Variants in DMD observed in about 807,000 individuals in gnomAD.
DMD encodes the protein dystrophin, also known as mutant dystrophin.
DMD carries 63 observed loss-of-function variants against 330.1 expected under a neutral mutation model. The observed-to-expected ratio is 0.19, with a 90% CI of 0.16 to 0.24. The LOEUF is 0.24. DMD is among the 10% of genes least tolerant of loss of function. The pLI, the probability that DMD is intolerant of heterozygous loss-of-function variation, is 1.00. For missense variants in DMD, 3,344 were observed against 2,684.1 expected (o/e 1.25, Z -5.43); for synonymous variants, 1,223 against 959.8 (o/e 1.27, Z -5.07).
At chrX:32,336,031 TTATATATAACGTGTATATATAAC>T (rs2097712252) in intron 41 of DMD, among the ~76,000 whole-genome samples, 2 of 103,367 alleles carry the variant, frequency 1.9e-5, no homozygotes, top group South Asian at 8.6e-4. Flanking sequence ...ATATATAACG[TTATATATAACGTGTATATATAAC>T]GTTATATATA....
chrX:33,083,172 T>C (rs1044755995), intron 1 of DMD, among the ~76,000 whole-genome samples: 1 of 111,918 alleles, frequency 8.9e-6, no homozygotes, highest in Middle Eastern at 4.2e-3. Context: ...CTTACGACCC[T>C]GCTTGCTTGT....
chrX:31,884,331 C>T (rs2094121100), intron 47 of DMD, among the ~76,000 whole-genome samples: 1 of 111,534 alleles, frequency 9.0e-6, no homozygotes, highest in Non-Finnish European at 1.9e-5. Context: ...AGAAAGAAAT[C>T]CTGTCATTTG....
chrX:31,901,340 TTTACA>T (rs2094419438), intron 47 of DMD, among the ~76,000 whole-genome samples: 1 of 111,947 alleles, frequency 8.9e-6, no homozygotes, highest in African/African-American at 3.2e-5. Context: ...TAATATTTTG[TTTACA>T]GTCTCTCCAC....
At chrX:31,640,284 T>A (rs928143432) in intron 54 of DMD, among the ~76,000 whole-genome samples, 1 of 112,317 alleles carries the variant, frequency 8.9e-6, no homozygotes, top group African/African-American at 3.2e-5. Flanking sequence ...TCCTAGGGAA[T>A]ACGTTTACAT....
intron 71 of DMD, among the ~76,000 whole-genome samples, chrX:31,176,628 C>T (rs2040532366): frequency 1.8e-5 from 2 of 111,468 alleles, no homozygotes; most frequent in Non-Finnish European, 3.8e-5. Flanking sequence ...TGTATCAACT[C>T]TTTAAAAGTT....
chrX:32,101,480 G>T (rs908367089), intron 44 of DMD, among the ~76,000 whole-genome samples: 30 of 111,620 alleles, frequency 2.7e-4, no homozygotes, highest in Admixed American at 4.8e-4. Flanking sequence ...CCTCACCATT[G>T]CTATTGTAAC....
intron 21 of DMD, among the ~76,000 whole-genome samples, chrX:32,475,332 G>C (rs1406478001): frequency 1.8e-5 from 2 of 110,960 alleles, no homozygotes; most frequent in Non-Finnish European, 3.8e-5. Context: ...TGCTTTGGCT[G>C]TGCAGGCTCC....
chrX:33,293,343 G>T (rs1032611943), intron 1 of DMD, among the ~76,000 whole-genome samples: 1 of 111,425 alleles, frequency 9.0e-6, no homozygotes, highest in African/African-American at 3.3e-5. Flanking sequence ...GAAATAAGAA[G>T]AGACAGTTGA....
In DMD at chrX:31,177,821, C is replaced by T. The variant is rs751031174; in HGVS notation, c.10262+111G>A. 2.2e-5 allele frequency: 16 copies of T among 726,693 alleles called. No homozygotes were observed. The Admixed American group carries it at 3.3e-4, about 15-fold the overall frequency. 59.9% of individuals were successfully genotyped at this position (726,693 alleles called of 1,213,427 possible). On this transcript the variant is annotated intron_variant, in intron 71 of 78. Coordinates refer to ENST00000357033, the MANE Select transcript of DMD (RefSeq NM_004006.3). ...AATGAAGGAAGGGGAATTAATATGT[C>T]CATAAAACAAAACAAAACAAAAGAA...
intron 50 of DMD, among the ~76,000 whole-genome samples, chrX:31,811,220 A>T (rs1463034578): frequency 8.9e-6 from 1 of 112,458 alleles, no homozygotes; most frequent in Non-Finnish European, 1.9e-5. Flanking sequence ...CTAAATACTA[A>T]ACAGTAGAAG....
chrX:33,142,408 C>T lies in DMD; in HGVS notation c.31+68874G>A, dbSNP rs779107918. Reference sequence around the variant, plus strand: ...CGAGGCTTTTAAATTGGTGAAAATGCCAACCATTCAATTTTTACTTTGAAT... The same window carrying T: ...CGAGGCTTTTAAATTGGTGAAAATGTCAACCATTCAATTTTTACTTTGAAT... On this transcript the variant is annotated intron_variant, in intron 1 of 78. Coordinates refer to ENST00000357033, the MANE Select transcript of DMD (RefSeq NM_004006.3). Among the ~76,000 whole-genome samples the T allele has an allele frequency of 9.7e-5, 11 of 113,119 alleles. No individual in the cohort carries two copies. In the South Asian group the frequency reaches 3.9e-3, roughly 40 times the overall value.
intron 51 of DMD, among the ~76,000 whole-genome samples, chrX:31,750,186 T>G (rs1396539029): frequency 4.5e-5 from 5 of 110,026 alleles, no homozygotes; most frequent in East Asian, 2.8e-4. Flanking sequence ...TTGTTGCCCT[T>G]GCTTTTGGTG....
chrX:32,280,165 G>GTA (rs201359021), intron 43 of DMD, among the ~76,000 whole-genome samples: 3,287 of 22,117 alleles, frequency 0.15, 66 homozygotes, highest in Non-Finnish European at 0.26. Flanking sequence ...TATATATACA[G>GTA]TATATATATA....
At chrX:32,258,424 T>C (rs1162643217) in intron 43 of DMD, among the ~76,000 whole-genome samples, 1 of 111,474 alleles carries the variant, frequency 9.0e-6, no homozygotes, top group Admixed American at 9.6e-5. Flanking sequence ...CAAATGCCCA[T>C]CAATGATAGA....
Position 32,091,882 on chromosome X carries a change from A to G in DMD, c.6439-123368T>C, listed in dbSNP as rs1229689713. On this transcript the variant is annotated intron_variant, in intron 44 of 78. Coordinates refer to ENST00000357033, the MANE Select transcript of DMD (RefSeq NM_004006.3). ...GCTTGGGGGTTTATTAATATTTCTGAGGCATAACTGTCTTAAAAAGAGCCA... is the reference window on the plus strand; with the variant it reads ...GCTTGGGGGTTTATTAATATTTCTGGGGCATAACTGTCTTAAAAAGAGCCA... Among the ~76,000 whole-genome samples, 4 of 111,690 alleles carry G rather than the reference A, an allele frequency of 3.6e-5. No individual in the cohort carries two copies. The Admixed American group carries it at 3.8e-4, about 11-fold the overall frequency.
At chrX:32,307,452 G>C (rs2097544651) in intron 42 of DMD, among the ~76,000 whole-genome samples, 1 of 111,727 alleles carries the variant, frequency 9.0e-6, no homozygotes, top group African/African-American at 3.2e-5. Flanking sequence ...TTACTAGAGA[G>C]AGCCCTAAGG....
chrX:31,863,414 C>T (rs994081884), intron 48 of DMD, among the ~76,000 whole-genome samples: 2 of 112,155 alleles, frequency 1.8e-5, no homozygotes, highest in South Asian at 3.7e-4. Context: ...ATTTTCTTGC[C>T]CACTTTTTGG....
Position 31,734,013 on chromosome X carries a change from T to C in DMD, c.7543-4265A>G, listed in dbSNP as rs1347711364. On this transcript the variant is annotated intron_variant, in intron 51 of 78. Coordinates refer to ENST00000357033, the MANE Select transcript of DMD (RefSeq NM_004006.3). Reference sequence around the variant, plus strand: ...ACTGCAGTTAGCCTTTTTTGTTCTTTATTCACTGAATAAATACTTTATAAG... The same window carrying C: ...ACTGCAGTTAGCCTTTTTTGTTCTTCATTCACTGAATAAATACTTTATAAG... Among the ~76,000 whole-genome samples the C allele has an allele frequency of 2.7e-5, 3 of 111,580 alleles. No homozygotes were observed. In the East Asian group the frequency reaches 8.4e-4, roughly 31 times the overall value.
chrX:32,042,138 CATACATAT>C (rs2096013174), intron 44 of DMD, among the ~76,000 whole-genome samples: 1 of 62,390 alleles, frequency 1.6e-5, no homozygotes, highest in African/African-American at 6.4e-5. Context: ...TACATATATA[CATACATAT>C]ATACATACAT....
Sources: gnomAD v4.1 joint callset for allele counts (sites outside exome capture counted in the v4.1 genomes callset) on GRCh38, gnomAD v4.1.1 for gene constraint, MANE v1.5 for transcripts, NCBI Gene and HGNC (gene_info 2026-07-23, HGNC 2026-07-21) for gene names.